The following CCDC42 variants were observed in gnomAD, a reference collection of about 807,000 sequenced individuals.
CCDC42 encodes coiled-coil domain-containing protein 42.
CCDC42 carries 38 observed loss-of-function variants against 40.8 expected under a neutral mutation model. The ratio of observed to expected loss-of-function variants is 0.93; its 90% CI spans 0.72 to 1.22. The LOEUF is 1.22. Ranked by LOEUF, CCDC42 falls within the 50% of genes most tolerant of loss-of-function variation. The pLI is 0.00. For missense variants in CCDC42, 379 were observed against 416.5 expected, an observed-to-expected ratio of 0.91 and a Z score of 0.78; for synonymous variants, 135 against 157.5, an observed-to-expected ratio of 0.86 and a Z score of 1.07.
At position 8,743,132 on chromosome 17, in the gene CCDC42, C is replaced by T. The variant is rs542647473; in HGVS notation, c.294+494G>A. Among the ~76,000 whole-genome samples the T allele has an allele frequency of 7.9e-5, 12 of 152,218 alleles. No individual in the cohort carries two copies. In the South Asian group the frequency reaches 1.2e-3, roughly 16 times the overall value. ...TCTGGATAAATCTGGATTTTTAAGACGATTAAAGTGCTCCACTAAAGACTG... is the reference window on the plus strand; with the variant it reads ...TCTGGATAAATCTGGATTTTTAAGATGATTAAAGTGCTCCACTAAAGACTG... On this transcript the variant is annotated intron_variant, in intron 3 of 6. Transcript: ENST00000293845.
intron 6 of CCDC42, among the ~76,000 whole-genome samples, chr17:8,731,876 C>A (rs1024709495): frequency 7.9e-5 from 12 of 152,302 alleles, no homozygotes; most frequent in Admixed American, 3.9e-4. Context: ...ATATAACAAA[C>A]CTGCTTGGCT....
chr17:8,735,311 G>A lies in CCDC42; in HGVS notation c.715-57C>T. The A allele has an allele frequency of 6.2e-7, 1 of 1,611,704 alleles. No homozygotes were observed. The highest frequency in any genetic ancestry group is 8.5e-7 in the Non-Finnish European group (1 of 1,178,084). ...CAGCATGTGGTGTGTGTGTGTTTGT[G>A]TGTATGTGTGTGTGTGTATGCTCAG... is the stretch of plus-strand genomic sequence containing the variant. On this transcript the variant is annotated intron_variant, in intron 5 of 6. Transcript: ENST00000293845. This position sits in a 1 kb window ranked among gnomAD's most constrained non-coding sequence, Gnocchi z 4.7.
chr17:8,740,511 A>AG (rs1568053367), intron 4 of CCDC42, among the ~76,000 whole-genome samples: 1 of 146,900 alleles, frequency 6.8e-6, no homozygotes, highest in African/African-American at 2.5e-5. Context: ...AAAAAAAAAA[A>AG]GTGGAGGATC....
chr17:8,733,032 C>G (rs568549777), intron 6 of CCDC42, among the ~76,000 whole-genome samples: 3 of 152,082 alleles, frequency 2.0e-5, no homozygotes, highest in African/African-American at 7.2e-5. Flanking sequence ...GTCAATGAAG[C>G]CTCATCGAGA....
intron 3 of CCDC42, 52 bp downstream of exon 3, chr17:8,743,574 C>T (rs1252324383): frequency 1.9e-6 from 2 of 1,056,586 alleles, no homozygotes; most frequent in Non-Finnish European, 3.0e-6. Context: ...AGTTTGCCCA[C>T]CTGCGGACTA....
At chr17:8,730,489 G>T (rs2086573881) in intron 6 of CCDC42, among the ~76,000 whole-genome samples, 2 of 152,142 alleles carry the variant, frequency 1.3e-5, no homozygotes, top group Admixed American at 6.5e-5. Flanking sequence ...ACAGGTACTT[G>T]TGACCATGCC....
At chr17:8,732,168 G>A (rs903839337) in intron 6 of CCDC42, among the ~76,000 whole-genome samples, 2 of 151,638 alleles carry the variant, frequency 1.3e-5, no homozygotes, top group Non-Finnish European at 3.0e-5. Context: ...GCGTAGTGGC[G>A]GGCGCCTGTA....
rs538423133 is a variant in CCDC42 at position 8,734,057 on chromosome 17, C to T, written c.873+1039G>A. Among the ~76,000 whole-genome samples, 10 of 152,286 alleles carry T rather than the reference C, an allele frequency of 6.6e-5. No individual in the cohort carries two copies. The East Asian group carries it at 1.5e-3, about 23-fold the overall frequency. ...ACAACAGAATGAACGCAGGAGTGGA[C>T]ATGAGCACCGGCCTGTCCTCTGTTA... On this transcript the variant is annotated intron_variant, in intron 6 of 6. Coordinates refer to ENST00000293845, the MANE Select transcript of CCDC42 (RefSeq NM_144681.3).
At position 8,730,168 on chromosome 17, in the gene CCDC42, C is replaced by T; in HGVS notation, c.913G>A (p.Glu305Lys). ...FIQDRSDIWA[E>K]VKKKEQQRVR... ...CGCTGTTGTTCCTTCTTTTTCACCT[C>T]TGCCCAGATGTCCGACCGGTCTTGG... Residue 305 changes from glutamate (E) to lysine (K), a missense_variant, in exon 7 of 7, where the codon GAG becomes AAG. Transcript: ENST00000293845. The T allele has an allele frequency of 1.2e-6, 2 of 1,614,004 alleles. No individual in the cohort carries two copies. The highest frequency in any genetic ancestry group is 1.7e-6 in the Non-Finnish European group (2 of 1,179,928).
At chr17:8,733,957 C>CT (rs1425691602) in intron 6 of CCDC42, among the ~76,000 whole-genome samples, 1 of 152,034 alleles carries the variant, frequency 6.6e-6, no homozygotes, top group Non-Finnish European at 1.5e-5. Context: ...TGTTATTTGC[C>CT]TTTTTTTCGC....
chr17:8,740,076 C>G (rs1306734146), intron 4 of CCDC42, among the ~76,000 whole-genome samples: 1 of 152,152 alleles, frequency 6.6e-6, no homozygotes, highest in Non-Finnish European at 1.5e-5. Context: ...CCTCAGAGGA[C>G]ATGGATCCAC....
chr17:8,732,298 C>CA (rs58310263), intron 6 of CCDC42, among the ~76,000 whole-genome samples: 847 of 71,412 alleles, frequency 0.012, 10 homozygotes, highest in Middle Eastern at 0.022. Context: ...GACTCCGTCT[C>CA]AAAAAAAAAA....
rs2086601015 is a variant in CCDC42 at position 8,735,014 on chromosome 17, G to C, written c.873+82C>G. 12 of 1,465,576 alleles carry C rather than the reference G, an allele frequency of 8.2e-6. No homozygotes were observed. The allele number at this position is 1,465,576 out of a possible 1,614,324, so 90.8% of individuals were successfully genotyped here. A position where few individuals can be genotyped will look rare whatever the true frequency, so the allele number is the denominator to read the frequency against. On this transcript the variant is annotated intron_variant, in intron 6 of 6. Transcript: ENST00000293845. This position sits in a 1 kb window ranked among gnomAD's most constrained non-coding sequence, Gnocchi z 4.7. ...GAGTCCCTGCTCTGCTTCTCTGTCA[G>C]GTTCATTCTTCCACCCAACCAACTG...
At chr17:8,737,842 G>T (rs966315895) in intron 4 of CCDC42, among the ~76,000 whole-genome samples, 1 of 152,176 alleles carries the variant, frequency 6.6e-6, no homozygotes, top group Non-Finnish European at 1.5e-5. Context: ...AAAAGACAGG[G>T]TCTCACTCTA....
At chr17:8,738,316 T>C (rs2086623397) in intron 4 of CCDC42, among the ~76,000 whole-genome samples, 2 of 152,166 alleles carry the variant, frequency 1.3e-5, no homozygotes, top group African/African-American at 4.8e-5. Context: ...GTGTGGGGGA[T>C]GTGACTATGA....
chr17:8,741,305 G>T (rs948616204), intron 4 of CCDC42, among the ~76,000 whole-genome samples, 169 bp downstream of exon 4: 1 of 152,230 alleles, frequency 6.6e-6, no homozygotes, highest in Non-Finnish European at 1.5e-5. Context: ...CCAGGGCTGG[G>T]TGCATCTCCT....
At chr17:8,734,557 G>T (rs1342585419) in intron 6 of CCDC42, among the ~76,000 whole-genome samples, 6 of 144,772 alleles carry the variant, frequency 4.1e-5, no homozygotes, top group Non-Finnish European at 6.0e-5. Flanking sequence ...TTGTTTGTTT[G>T]TTTTTTTGAG....
Position 8,735,459 on chromosome 17 carries a change from C to T in CCDC42, c.645G>A (p.Leu215=). 6.2e-7 allele frequency: 1 copy of T among 1,614,114 alleles called. No individual in the cohort carries two copies. Among genetic ancestry groups the T allele is most frequent in the Non-Finnish European group, 8.5e-7 (1 of 1,180,042 alleles). Residue 215 remains leucine, a synonymous_variant, in exon 5 of 7, where the codon CTG becomes CTA. Transcript: ENST00000293845. The surrounding 1 kb of genome is among the most constrained non-coding windows in gnomAD (Gnocchi z 4.7). ...RYMEEKDDEI[L]QQNNELARLQ... ...GCCTTGCCAGCTCATTGTTTTGCTG[C>T]AGGATCTCATCATCCTTTTCCTCCA...
chr17:8,743,436 G>A (rs1053981512), intron 3 of CCDC42, among the ~76,000 whole-genome samples, 190 bp downstream of exon 3: 1 of 152,172 alleles, frequency 6.6e-6, no homozygotes, highest in African/African-American at 2.4e-5. Flanking sequence ...ATAGGTAAAT[G>A]GAAAATTACA....
Sources: gnomAD v4.1 joint callset for allele counts (sites outside exome capture counted in the v4.1 genomes callset) on GRCh38, gnomAD v4.1.1 for gene constraint, Gnocchi (gnomAD v3.1) non-coding constraint, MANE v1.5 for transcripts, NCBI Gene and HGNC (gene_info 2026-07-23, HGNC 2026-07-21) for gene names.